TGFBR2: variants seen among roughly 807,000 people sequenced by gnomAD.
TGFBR2 encodes the protein transforming growth factor beta receptor 2.
A neutral mutation model predicts 49.0 loss-of-function variants in TGFBR2; 18 were observed. The observed-to-expected ratio is 0.37, with a 90% CI of 0.25 to 0.54. TGFBR2 has a LOEUF of 0.54. Ranked by LOEUF, TGFBR2 falls within the 20% of genes least tolerant of loss-of-function variation. The pLI is 0.85. For missense variants in TGFBR2, 525 were observed against 722.6 expected, an observed-to-expected ratio of 0.73 and a Z score of 3.13; for synonymous variants, 282 against 275.9, an observed-to-expected ratio of 1.02 and a Z score of -0.22.
intron 3 of TGFBR2, chr3:30,661,552 A>G (rs570827388): frequency 2.0e-6 from 1 of 512,236 alleles, no homozygotes; most frequent in South Asian, 1.4e-5. Flanking sequence ...AATCAGACAT[A>G]TAGGTTCAAA....
At chr3:30,619,681 C>T (rs915182790) in intron 1 of TGFBR2, among the ~76,000 whole-genome samples, 16 of 152,152 alleles carry the variant, frequency 1.1e-4, no homozygotes, top group African/African-American at 3.9e-4. Flanking sequence ...CCACCACCTC[C>T]CCCCAAGTTT....
chr3:30,606,722 C>G lies in TGFBR2; in HGVS notation c.-162C>G, dbSNP rs1242150505. 3 of 453,316 alleles carry G rather than the reference C, an allele frequency of 6.6e-6. No homozygotes were observed. The highest frequency in any genetic ancestry group is 1.1e-5 in the Non-Finnish European group (3 of 275,806). The allele number at this position is 453,316 out of a possible 1,614,324, so 28.1% of individuals were successfully genotyped here. A position where few individuals can be genotyped will look rare whatever the true frequency, so the allele number is the denominator to read the frequency against. ...CCGCGCCTCGCCGGCCTCCAGGCCCCCTCCTGGCTGGCGAGCGGGCGCCAC... is the reference window on the plus strand; with the variant it reads ...CCGCGCCTCGCCGGCCTCCAGGCCCGCTCCTGGCTGGCGAGCGGGCGCCAC... On this transcript the variant is annotated 5_prime_UTR_variant, in exon 1 of 7. Coordinates refer to ENST00000295754, the MANE Select transcript of TGFBR2 (RefSeq NM_003242.6).
chr3:30,682,078 G>A (rs570986668), intron 5 of TGFBR2, among the ~76,000 whole-genome samples: 5 of 152,152 alleles, frequency 3.3e-5, no homozygotes, highest in Non-Finnish European at 4.4e-5. Flanking sequence ...GCTCCAGGCC[G>A]AGCTGGGAGG....
intron 1 of TGFBR2, 87 bp downstream of exon 1, chr3:30,607,064 G>A: frequency 2.5e-6 from 3 of 1,184,142 alleles, no homozygotes; most frequent in Non-Finnish European, 3.6e-6. Context: ...AGTCGGGCCC[G>A]GCAACCCGGC....
At chr3:30,662,494 G>A (rs748767385) in intron 3 of TGFBR2, among the ~76,000 whole-genome samples, 10 of 152,188 alleles carry the variant, frequency 6.6e-5, no homozygotes, top group Non-Finnish European at 1.2e-4. Context: ...CACATTGATT[G>A]GAGAGAAGAC....
chr3:30,676,639 A>C lies in TGFBR2; in HGVS notation c.1396+2393A>C, dbSNP rs2125441606. Among the ~76,000 whole-genome samples the C allele has an allele frequency of 6.6e-6, 1 of 152,334 alleles. No individual in the cohort carries two copies. Among genetic ancestry groups the C allele is most frequent in the South Asian group, 2.1e-4 (1 of 4,832 alleles). On this transcript the variant is annotated intron_variant, in intron 5 of 6. Transcript: ENST00000295754. This position sits in a 1 kb window ranked among gnomAD's most constrained non-coding sequence, Gnocchi z 4.3. Reference sequence around the variant, plus strand: ...GTCCAAACTACCCAACATTTTGCCCAAGGCAGATTCAGTTGGCACCACTGC... The same window carrying C: ...GTCCAAACTACCCAACATTTTGCCCCAGGCAGATTCAGTTGGCACCACTGC...
At chr3:30,664,258 A>G (rs187710766) in intron 3 of TGFBR2, among the ~76,000 whole-genome samples, 17 of 151,994 alleles carry the variant, frequency 1.1e-4, no homozygotes, top group Admixed American at 1.1e-3. Flanking sequence ...TGCTGGGATT[A>G]CAGGTGTGAG....
At chr3:30,637,577 A>G (rs1698560795) in intron 1 of TGFBR2, among the ~76,000 whole-genome samples, 1 of 152,186 alleles carries the variant, frequency 6.6e-6, no homozygotes, top group Non-Finnish European at 1.5e-5. Context: ...TGGAGAACTG[A>G]TCTCTAAGGG....
chr3:30,686,076 A>G (rs1457924215), intron 5 of TGFBR2, among the ~76,000 whole-genome samples: 1 of 152,248 alleles, frequency 6.6e-6, no homozygotes, highest in Admixed American at 6.5e-5. Flanking sequence ...TTCATTTTAT[A>G]GAAGAGAAGA....
At chr3:30,632,215 C>G (rs188634708) in intron 1 of TGFBR2, among the ~76,000 whole-genome samples, 61 of 152,268 alleles carry the variant, frequency 4.0e-4, no homozygotes, top group Admixed American at 2.0e-3. Context: ...ATTGCCTTCC[C>G]ATCTCTGCAT....
intron 1 of TGFBR2, among the ~76,000 whole-genome samples, chr3:30,638,377 G>A (rs1424924274): frequency 6.6e-6 from 1 of 152,136 alleles, no homozygotes; most frequent in Non-Finnish European, 1.5e-5. Context: ...ATAAGAAGGA[G>A]AATTGATGCC....
At chr3:30,660,689 T>C (rs2125421626) in intron 3 of TGFBR2, among the ~76,000 whole-genome samples, 1 of 152,350 alleles carries the variant, frequency 6.6e-6, no homozygotes, top group African/African-American at 2.4e-5. Context: ...GGGGATATTA[T>C]TTTGTTTTCT....
At chr3:30,608,749 T>C (rs1697982510) in intron 1 of TGFBR2, among the ~76,000 whole-genome samples, 1 of 152,110 alleles carries the variant, frequency 6.6e-6, no homozygotes, top group South Asian at 2.1e-4. Context: ...CCTATGGTTT[T>C]AATAAAATCT....
chr3:30,628,528 G>GTTTTTTTTTTTT (rs569832149), intron 1 of TGFBR2, among the ~76,000 whole-genome samples: 1 of 80,200 alleles, frequency 1.2e-5, no homozygotes, highest in African/African-American at 5.2e-5. Flanking sequence ...AAGCCTGTGG[G>GTTTTTTTTTTTT]TTTTTTTTTT....
chr3:30,609,151 A>T lies in TGFBR2; in HGVS notation c.94+2174A>T, dbSNP rs548177670. 3.9e-4 allele frequency among the ~76,000 whole-genome samples: 60 copies of T among 152,314 alleles called. No individual in the cohort carries two copies. In the South Asian group the frequency reaches 0.012, roughly 32 times the overall value. ...CAGATTTCATATTTTTATAGAACTG[A>T]AGTTTCAAAATGGTTGAATTAATGA... On this transcript the variant is annotated intron_variant, in intron 1 of 6. Coordinates refer to ENST00000295754, the MANE Select transcript of TGFBR2 (RefSeq NM_003242.6).
intron 2 of TGFBR2, among the ~76,000 whole-genome samples, chr3:30,646,077 T>C (rs552535172): frequency 5.9e-5 from 9 of 152,326 alleles, no homozygotes; most frequent in Admixed American, 1.3e-4. Flanking sequence ...AAGTAACTTA[T>C]GTGTCTCCTG....
At position 30,635,008 on chromosome 3, in the gene TGFBR2, T is replaced by C. The variant is rs945688664; in HGVS notation, c.95-9739T>C. Among the ~76,000 whole-genome samples, 44 of 152,226 alleles carry C rather than the reference T, an allele frequency of 2.9e-4. 1 individual carries two copies. Among genetic ancestry groups the C allele is most frequent in the African/African-American group, 1.1e-3 (44 of 41,454 alleles). On this transcript the variant is annotated intron_variant, in intron 1 of 6. Coordinates refer to ENST00000295754, the MANE Select transcript of TGFBR2 (RefSeq NM_003242.6). Reference sequence around the variant, plus strand: ...ATCTCATAGTCCCTGCAGTCAGTCTTTGCCAGATAAAGGCACTGTTAAAGT... The same window carrying C: ...ATCTCATAGTCCCTGCAGTCAGTCTCTGCCAGATAAAGGCACTGTTAAAGT...
Position 30,621,714 on chromosome 3 carries a change from A to G in TGFBR2, c.94+14737A>G, listed in dbSNP as rs200484045. ...AAAGCACTTATCTTTCAAGATTTTA[A>G]TGATGATGTTGGTGAGGACGTTTGT... On this transcript the variant is annotated intron_variant, in intron 1 of 6. Transcript: ENST00000295754. Among the ~76,000 whole-genome samples, 14 of 152,344 alleles carry G rather than the reference A, an allele frequency of 9.2e-5. No homozygotes were observed. In the East Asian group the frequency reaches 2.7e-3, roughly 29 times the overall value.
chr3:30,622,665 AG>A (rs1406901259), intron 1 of TGFBR2, among the ~76,000 whole-genome samples: 1 of 152,072 alleles, frequency 6.6e-6, no homozygotes, highest in Non-Finnish European at 1.5e-5. Context: ...GCGGATCACG[AG>A]GTCAGGAGTT....
Sources: gnomAD v4.1 joint callset for allele counts (sites outside exome capture counted in the v4.1 genomes callset) on GRCh38, gnomAD v4.1.1 for gene constraint, Gnocchi (gnomAD v3.1) non-coding constraint, MANE v1.5 for transcripts, NCBI Gene and HGNC (gene_info 2026-07-23, HGNC 2026-07-21) for gene names.